SLC25A21: variants seen among roughly 807,000 people sequenced by gnomAD.
The protein encoded by SLC25A21 is mitochondrial 2-oxodicarboxylate carrier.
Under a neutral mutation model 43.8 loss-of-function variants are expected in SLC25A21, and 47 were observed. The observed-to-expected ratio is 1.07, with a 90% CI of 0.85 to 1.37. The LOEUF is 1.37. SLC25A21 is among the 40% of genes most tolerant of loss of function. The pLI is 0.00. For synonymous variants in SLC25A21, 131 were observed against 121.3 expected (o/e 1.08, Z -0.52); for missense variants, 352 against 350.2 (o/e 1.00, Z -0.04).
At chr14:37,136,815 T>C (rs1195416263) in intron 1 of SLC25A21, among the ~76,000 whole-genome samples, 1 of 152,176 alleles carries the variant, frequency 6.6e-6, no homozygotes, top group Non-Finnish European at 1.5e-5. Flanking sequence ...AAAGGCTACA[T>C]ATTGTATCAT....
intron 2 of SLC25A21, among the ~76,000 whole-genome samples, chr14:36,863,151 A>C (rs1414874899): frequency 2.0e-5 from 3 of 152,220 alleles, no homozygotes; most frequent in Non-Finnish European, 4.4e-5. Context: ...CTTAAAAAAG[A>C]GAAAAAATGA....
In SLC25A21 at chr14:36,895,495, T is replaced by C. The variant is rs546411148; in HGVS notation, c.71-20491A>G. Among the ~76,000 whole-genome samples the C allele has an allele frequency of 2.9e-3, 438 of 152,266 alleles. 4 individuals carry two copies. Among genetic ancestry groups the C allele is most frequent in the African/African-American group, 9.9e-3 (411 of 41,500 alleles). On this transcript the variant is annotated intron_variant, in intron 1 of 9. Coordinates refer to ENST00000331299, the MANE Select transcript of SLC25A21 (RefSeq NM_030631.4). ...GTTGATCTTTTCAAAAAACCAGCTC[T>C]GGATTCACTGATTTTTTGAAGGGTT... is the stretch of plus-strand genomic sequence containing the variant.
chr14:37,014,380 C>G (rs978928120), intron 1 of SLC25A21, among the ~76,000 whole-genome samples: 1 of 152,172 alleles, frequency 6.6e-6, no homozygotes, highest in Admixed American at 6.5e-5. Context: ...ACAATGTTCA[C>G]AGTATCTTTT....
chr14:36,906,596 G>A (rs1273686427), intron 1 of SLC25A21, among the ~76,000 whole-genome samples: 7 of 151,204 alleles, frequency 4.6e-5, no homozygotes, highest in African/African-American at 1.5e-4. Flanking sequence ...ACCTCTGACT[G>A]CCTGGTTCAA....
intron 3 of SLC25A21, among the ~76,000 whole-genome samples, chr14:36,791,940 T>C (rs1002966952): frequency 5.9e-5 from 9 of 152,128 alleles, no homozygotes; most frequent in Admixed American, 5.2e-4. Flanking sequence ...GCTGGATACA[T>C]GGGTTTCTTT....
At position 36,798,626 on chromosome 14, in the gene SLC25A21, C is replaced by T. The variant is rs1302434969; in HGVS notation, c.203+15292G>A. Among the ~76,000 whole-genome samples the T allele has an allele frequency of 3.3e-5, 5 of 151,720 alleles. No homozygotes were observed. The East Asian group carries it at 5.8e-4, about 18-fold the overall frequency. On this transcript the variant is annotated intron_variant, in intron 3 of 9. Transcript: ENST00000331299. Reference sequence around the variant, plus strand: ...GTACACATGGGCAGTCACTAAATACCGTTTGCTTGCTGGGTCATAAGTATT... The same window carrying T: ...GTACACATGGGCAGTCACTAAATACTGTTTGCTTGCTGGGTCATAAGTATT...
chr14:37,095,560 T>TA (rs2138856548), intron 1 of SLC25A21, among the ~76,000 whole-genome samples: 1 of 151,894 alleles, frequency 6.6e-6, no homozygotes, highest in South Asian at 2.1e-4. Context: ...CACTATTCAG[T>TA]AAAAACAAAC....
chr14:37,083,418 TAAC>T (rs1962425211), intron 1 of SLC25A21, among the ~76,000 whole-genome samples: 1 of 152,162 alleles, frequency 6.6e-6, no homozygotes, highest in Non-Finnish European at 1.5e-5. Context: ...TTAACAACAA[TAAC>T]AATAACACAC....
chr14:36,776,233 TC>T lies in SLC25A21; in HGVS notation c.203+37684del, dbSNP rs200826493. 1.3e-3 allele frequency among the ~76,000 whole-genome samples: 89 copies of T among 70,414 alleles called. 13 individuals carry two copies. In the South Asian group the frequency reaches 0.022, roughly 17 times the overall value. 46.2% of individuals were successfully genotyped at this position (70,414 alleles called of 152,430 possible). A position where few individuals can be genotyped will look rare whatever the true frequency, so the allele number is the denominator to read the frequency against. ...GCTTTCTTTTTTCTTTTTCTTTCTT[TC>T]TTTCTTTTTTTTTTTTTTTTGAGAT... is the stretch of plus-strand genomic sequence containing the variant. On this transcript the variant is annotated intron_variant, in intron 3 of 9. Coordinates refer to ENST00000331299, the MANE Select transcript of SLC25A21 (RefSeq NM_030631.4).
intron 1 of SLC25A21, among the ~76,000 whole-genome samples, chr14:37,141,743 C>CTGTTTTATATTTTTTTTTTATATTTTT (rs1963574095): frequency 6.6e-6 from 1 of 152,068 alleles, no homozygotes; most frequent in East Asian, 1.9e-4. Context: ...ATGTAAGGTA[C>CTGTTTTATATTTTTTTTTTATATTTTT]TATATGTCAC....
intron 1 of SLC25A21, among the ~76,000 whole-genome samples, chr14:37,063,435 G>A (rs1961992939): frequency 6.6e-6 from 1 of 151,410 alleles, no homozygotes; most frequent in Non-Finnish European, 1.5e-5. Flanking sequence ...AGGAGGTGGA[G>A]GTTGCAGTGA....
At chr14:36,690,695 G>A (rs1194605525) in intron 7 of SLC25A21, among the ~76,000 whole-genome samples, 1 of 152,118 alleles carries the variant, frequency 6.6e-6, no homozygotes, top group African/African-American at 2.4e-5. Context: ...GTACTGAAGT[G>A]GGGGTGTGAA....
At chr14:37,094,097 C>T (rs1962640656) in intron 1 of SLC25A21, among the ~76,000 whole-genome samples, 1 of 152,152 alleles carries the variant, frequency 6.6e-6, no homozygotes, top group African/African-American at 2.4e-5. Context: ...TCATTAGCTT[C>T]CTATTAAAAT....
chr14:36,781,048 G>C (rs1304924256), intron 3 of SLC25A21, among the ~76,000 whole-genome samples: 1 of 152,000 alleles, frequency 6.6e-6, no homozygotes, highest in Non-Finnish European at 1.5e-5. Flanking sequence ...ATTCTTTTGA[G>C]GAATTGACTT....
At chr14:36,723,500 A>C (rs2139208832) in intron 6 of SLC25A21, among the ~76,000 whole-genome samples, 1 of 152,360 alleles carries the variant, frequency 6.6e-6, no homozygotes, top group South Asian at 2.1e-4. Flanking sequence ...ATAATGCAAA[A>C]GAAATGACCC....
chr14:36,876,453 G>T (rs1890526686), intron 1 of SLC25A21, among the ~76,000 whole-genome samples: 1 of 152,286 alleles, frequency 6.6e-6, no homozygotes, highest in Middle Eastern at 3.4e-3. Flanking sequence ...GAGTCTCATT[G>T]CCTAGAGACA....
rs963752324 is a variant in SLC25A21 at position 37,040,369 on chromosome 14, G to A, written c.70+131912C>T. Among the ~76,000 whole-genome samples the A allele has an allele frequency of 3.5e-3, 98 of 28,296 alleles. 18 individuals carry two copies. The highest frequency in any genetic ancestry group is 0.032 in the African/African-American group (47 of 1,472). The allele number at this position is 28,296 out of a possible 152,430, so 18.6% of individuals were successfully genotyped here. ...GGAAGGAAGGAAAGAAAGAGAGAGAGAGAGAGAAAGAAAGAAAGAAAGAAA... is the reference window on the plus strand; with the variant it reads ...GGAAGGAAGGAAAGAAAGAGAGAGAAAGAGAGAAAGAAAGAAAGAAAGAAA... On this transcript the variant is annotated intron_variant, in intron 1 of 9. Transcript: ENST00000331299.
chr14:37,001,611 T>C (rs1328043214), intron 1 of SLC25A21, among the ~76,000 whole-genome samples: 2 of 152,182 alleles, frequency 1.3e-5, no homozygotes, highest in African/African-American at 2.4e-5. Flanking sequence ...TTCCTTTTTT[T>C]CATTCTTTCA....
intron 1 of SLC25A21, among the ~76,000 whole-genome samples, chr14:36,918,116 A>G (rs1371591626): frequency 6.6e-6 from 1 of 152,160 alleles, no homozygotes; most frequent in African/African-American, 2.4e-5. Flanking sequence ...CTAAAAAGGA[A>G]TATAAAATGG....
Sources: allele counts gnomAD v4.1 joint callset (sites outside exome capture counted in the v4.1 genomes callset), GRCh38; gene constraint gnomAD v4.1.1; transcripts MANE v1.5; gene names NCBI Gene and HGNC (gene_info 2026-07-23, HGNC 2026-07-21).